Variants in PARP9 observed in about 807,000 individuals in gnomAD.
The protein encoded by PARP9 is protein mono-ADP-ribosyltransferase PARP9.
A neutral mutation model predicts 68.8 loss-of-function variants in PARP9; 48 were observed. The observed-to-expected ratio is 0.70, with a 90% CI of 0.55 to 0.89. The LOEUF (loss-of-function observed/expected upper bound fraction) is 0.89. Ranked by LOEUF, PARP9 falls within the 40% of genes least tolerant of loss-of-function variation. The probability of loss-of-function intolerance (pLI) is 0.00; values close to 1 mark genes in which losing one functional copy is unlikely to be tolerated. For missense variants in PARP9, 806 were observed against 969.3 expected, an observed-to-expected ratio of 0.83 and a Z score of 2.24; for synonymous variants, 309 against 333.8, an observed-to-expected ratio of 0.93 and a Z score of 0.81.
upstream of PARP9, chr3:122,564,710 G>A (rs1043918305): frequency 1.4e-6 from 2 of 1,429,870 alleles, no homozygotes; most frequent in South Asian, 1.4e-5. Context: ...GGAGAGGGCG[G>A]GAGAAAGTAT....
intron 7 of PARP9, among the ~76,000 whole-genome samples, chr3:122,541,190 G>C (rs1387854113): frequency 6.6e-6 from 1 of 152,130 alleles, no homozygotes; most frequent in Admixed American, 6.5e-5. Context: ...GTGCCCGGCC[G>C]ACTAGTGGGT....
In PARP9 at chr3:122,540,710, G is replaced by A; in HGVS notation, c.1527C>T (p.His509=). The A allele has an allele frequency of 1.2e-6, 2 of 1,614,134 alleles. No individual in the cohort carries two copies. Among genetic ancestry groups the A allele is most frequent in the Non-Finnish European group, 1.7e-6 (2 of 1,180,022 alleles). Residue 509 remains histidine, a synonymous_variant, in exon 8 of 11, where the codon CAC becomes CAT. Transcript: ENST00000682323. Reference sequence around the variant, plus strand: ...ACAGAATATGATTATTCTCAATGATGTGGTGGTTCTGGAGACTCAGGATTC... The same window carrying A: ...ACAGAATATGATTATTCTCAATGATATGGTGGTTCTGGAGACTCAGGATTC... The part of the protein sequence containing the change: ...IQRILSLQNH[H]IIENNHILYL...
At chr3:122,531,520 G>A (rs2077302067) in intron 10 of PARP9, among the ~76,000 whole-genome samples, 1 of 152,186 alleles carries the variant, frequency 6.6e-6, no homozygotes, top group South Asian at 2.1e-4. Flanking sequence ...CACTTCGGGA[G>A]GCCGAGGCGG....
At chr3:122,538,589 T>C (rs1478538969) in intron 8 of PARP9, among the ~76,000 whole-genome samples, 4 of 152,052 alleles carry the variant, frequency 2.6e-5, no homozygotes, top group African/African-American at 7.2e-5. Context: ...AAGAGACTTA[T>C]ATGACTCAAA....
In PARP9 at chr3:122,550,621, T is replaced by C; in HGVS notation, c.1289A>G (p.Lys430Arg). The C allele has an allele frequency of 6.2e-7, 1 of 1,613,476 alleles. No individual in the cohort carries two copies. The highest frequency in any genetic ancestry group is 8.5e-7 in the Non-Finnish European group (1 of 1,179,920). ...KDHVKHQLTV[K>R]FVIFPTDLEI... is the part of the protein sequence containing the mutation. ...CAAATCTGTTGGAAAGATCACAAAT[T>C]TTACAGTTAACTGGTGTTTTACATG... The change falls in exon 6 of 11, where the codon AAA (lysine) becomes AGA (arginine). Residue 430 changes from lysine to arginine, a missense_variant. Coordinates refer to ENST00000682323, the MANE Select transcript of PARP9 (RefSeq NM_001146105.2).
In PARP9 at chr3:122,559,718, G is replaced by C; in HGVS notation, c.-89-9C>G. 8.2e-7 allele frequency: 1 copy of C among 1,215,838 alleles called. No homozygotes were observed. Among genetic ancestry groups the C allele is most frequent in the Non-Finnish European group, 1.1e-6 (1 of 882,842 alleles). The allele number at this position is 1,215,838 out of a possible 1,614,324, so 75.3% of individuals were successfully genotyped here. A position where few individuals can be genotyped will look rare whatever the true frequency, so the allele number is the denominator to read the frequency against. On this transcript the variant is annotated splice_polypyrimidine_tract_variant and intron_variant, in intron 1 of 10. Transcript: ENST00000682323. ...GATATGGTGGCCCACTTCTAGGAAT[G>C]AATTAGAAAAGATGCAATAAACATT...
At chr3:122,558,218 C>T (rs373122946) in intron 3 of PARP9, 204 of 1,319,866 alleles carry the variant, frequency 1.5e-4, no homozygotes, top group African/African-American at 7.3e-4. Context: ...CTCACATTTA[C>T]GGGCAAAGGA....
chr3:122,558,764 G>A (rs775510899), intron 2 of PARP9, among the ~76,000 whole-genome samples: 1 of 152,206 alleles, frequency 6.6e-6, no homozygotes, highest in Non-Finnish European at 1.5e-5. Context: ...AGGCTGGAGT[G>A]CAGTGGTGCA....
At chr3:122,533,601 T>C in intron 10 of PARP9, 1 of 797,254 alleles carries the variant, frequency 1.3e-6, no homozygotes, top group Non-Finnish European at 1.5e-6. Flanking sequence ...AAGAACTCTA[T>C]GGTTTTTTAT....
chr3:122,539,256 C>A (rs986041426), intron 8 of PARP9, among the ~76,000 whole-genome samples: 1 of 152,184 alleles, frequency 6.6e-6, no homozygotes, highest in Non-Finnish European at 1.5e-5. Context: ...CTGTGATAAG[C>A]CCTTCCCTGA....
chr3:122,547,852 CA>C (rs879918594), intron 6 of PARP9, among the ~76,000 whole-genome samples: 1 of 150,974 alleles, frequency 6.6e-6, no homozygotes, highest in South Asian at 2.1e-4. Flanking sequence ...CATCCTGTCT[CA>C]AAAAAAAGGA....
At chr3:122,546,319 G>A (rs1576411219) in intron 6 of PARP9, among the ~76,000 whole-genome samples, 2 of 152,218 alleles carry the variant, frequency 1.3e-5, no homozygotes, top group East Asian at 3.8e-4. Context: ...ATGCTGGGCG[G>A]CGGCAGCAAG....
intron 10 of PARP9, among the ~76,000 whole-genome samples, chr3:122,528,983 C>G (rs1179574722): frequency 2.0e-5 from 3 of 152,024 alleles, no homozygotes. Flanking sequence ...CACAGTGGCT[C>G]ACACCTGTAA....
At chr3:122,554,831 C>T (rs780611267) in intron 4 of PARP9, among the ~76,000 whole-genome samples, 54 of 151,962 alleles carry the variant, frequency 3.6e-4, no homozygotes, top group Admixed American at 1.5e-3. Flanking sequence ...GCGCCTCCTG[C>T]CTTAGTCTCC....
intron 2 of PARP9, 56 bp downstream of exon 2, chr3:122,559,550 A>G (rs1196020681): frequency 1.3e-6 from 2 of 1,512,640 alleles, no homozygotes. Flanking sequence ...TGTTATATAA[A>G]GAAGTATTCA....
intron 6 of PARP9, among the ~76,000 whole-genome samples, chr3:122,549,282 C>T (rs566834369): frequency 3.4e-4 from 52 of 152,298 alleles, no homozygotes; most frequent in African/African-American, 1.2e-3. Context: ...TCCCAAAGTG[C>T]TGGGATTACA....
intron 6 of PARP9, among the ~76,000 whole-genome samples, chr3:122,548,388 A>C (rs1384620039): frequency 1.3e-5 from 2 of 152,226 alleles, no homozygotes; most frequent in African/African-American, 2.4e-5. Context: ...GGCCCTCTAT[A>C]TCCAAAATCC....
chr3:122,535,610 A>T, intron 10 of PARP9: 1 of 985,466 alleles, frequency 1.0e-6, no homozygotes, highest in South Asian at 4.7e-5. Context: ...GTTTTTGTAC[A>T]TCTGAAAAGA....
In PARP9 at chr3:122,559,665, C is replaced by A. The variant is rs201925167; in HGVS notation, c.-45G>T. ...GTCTTTAAATGTTTATTCCCTTTTG[C>A]GCTTCAAAGCATAGACTGTAGTTTC... On this transcript the variant is annotated 5_prime_UTR_variant, in exon 2 of 11. Coordinates refer to ENST00000682323, the MANE Select transcript of PARP9 (RefSeq NM_001146105.2). The A allele has an allele frequency of 3.2e-6, 5 of 1,555,944 alleles. No homozygotes were observed. In the East Asian group the frequency reaches 6.9e-5, roughly 21 times the overall value.
Sources: allele counts gnomAD v4.1 joint callset (sites outside exome capture counted in the v4.1 genomes callset), GRCh38; gene constraint gnomAD v4.1.1; transcripts MANE v1.5; gene names NCBI Gene and HGNC (gene_info 2026-07-23, HGNC 2026-07-21).